The following IDE variants were observed in gnomAD, a reference collection of about 807,000 sequenced individuals.
IDE encodes insulin degrading enzyme.
A neutral mutation model predicts 133.2 loss-of-function variants in IDE; 58 were observed. The observed-to-expected ratio is 0.44, with a 90% CI of 0.35 to 0.54. IDE has a LOEUF of 0.54. Among genes scored for constraint, IDE ranks in the 20% least tolerant of loss-of-function variants. The pLI, the probability that IDE is intolerant of heterozygous loss-of-function variation, is 0.00. For missense variants in IDE, 981 were observed against 1,234.0 expected (o/e 0.79, Z 3.07); for synonymous variants, 396 against 421.3 (o/e 0.94, Z 0.73).
At chr10:92,536,383 CAAA>C (rs58280739) in intron 2 of IDE, among the ~76,000 whole-genome samples, 5 of 54,838 alleles carry the variant, frequency 9.1e-5, no homozygotes, top group African/African-American at 5.1e-5. Context: ...AACTCCGTCT[CAAA>C]AAAAAAAAAA....
At chr10:92,455,498 A>C (rs930357672) in intron 24 of IDE, 78 bp downstream of exon 24, 2 of 953,718 alleles carry the variant, frequency 2.1e-6, no homozygotes, top group Admixed American at 2.0e-5. Flanking sequence ...AAAAACAAAA[A>C]ACAAAAAAAA....
chr10:92,568,369 A>G (rs1438171159), intron 1 of IDE, among the ~76,000 whole-genome samples: 3 of 152,238 alleles, frequency 2.0e-5, no homozygotes, highest in Non-Finnish European at 4.4e-5. Context: ...TGTTAAATGA[A>G]AGTTAAATGA....
intron 3 of IDE, 84 bp from the exon 4 acceptor site, chr10:92,532,001 A>G: frequency 1.0e-6 from 1 of 969,152 alleles, no homozygotes; most frequent in Non-Finnish European, 1.4e-6. Context: ...AACTTATTAG[A>G]TAGGAAATGT....
chr10:92,509,456 A>C (rs1848471155), intron 6 of IDE, among the ~76,000 whole-genome samples: 1 of 151,946 alleles, frequency 6.6e-6, no homozygotes, highest in Admixed American at 6.6e-5. Context: ...AGCCAGGCAC[A>C]GTGGCATGCA....
chr10:92,557,087 A>C (rs570784807), intron 1 of IDE, among the ~76,000 whole-genome samples: 2 of 152,086 alleles, frequency 1.3e-5, no homozygotes, highest in African/African-American at 4.8e-5. Context: ...TTTTTGCAGA[A>C]ATTGACAAAT....
chr10:92,539,097 A>T (rs1156556601), intron 1 of IDE, among the ~76,000 whole-genome samples: 1 of 152,178 alleles, frequency 6.6e-6, no homozygotes, highest in Non-Finnish European at 1.5e-5. Flanking sequence ...TTCCTCTCTG[A>T]AATCACCTAT....
chr10:92,569,239 T>G (rs928727428), intron 1 of IDE, among the ~76,000 whole-genome samples: 5 of 60,140 alleles, frequency 8.3e-5, no homozygotes, highest in African/African-American at 4.8e-4. Context: ...AGAGTTAGGC[T>G]GAAAAGTTGG....
At chr10:92,539,027 G>A (rs1262276074) in intron 1 of IDE, among the ~76,000 whole-genome samples, 4 of 151,820 alleles carry the variant, frequency 2.6e-5, no homozygotes. Flanking sequence ...TTTTTTCTGT[G>A]TTAAAATCTC....
chr10:92,473,182 G>A (rs1038896216), intron 17 of IDE, among the ~76,000 whole-genome samples: 7 of 151,802 alleles, frequency 4.6e-5, no homozygotes, highest in Non-Finnish European at 1.0e-4. Flanking sequence ...CGCCTGCCTC[G>A]GCCTCCTAAA....
Position 92,500,064 on chromosome 10 carries a change from G to A in IDE, c.1430+4730C>T, listed in dbSNP as rs550606535. Among the ~76,000 whole-genome samples, 137 of 152,196 alleles carry A rather than the reference G, an allele frequency of 9.0e-4. 1 individual carries two copies. The highest frequency in any genetic ancestry group is 3.1e-3 in the African/African-American group (130 of 41,532). ...TGTAATCCCAGCACTTTGGGAGGCC[G>A]AGAACGGTGGATCACCTGAGGTCAT... On this transcript the variant is annotated intron_variant, in intron 11 of 24. Transcript: ENST00000265986.
At chr10:92,504,633 T>TCAA (rs1291104255) in intron 11 of IDE, among the ~76,000 whole-genome samples, 161 bp downstream of exon 11, 4 of 152,176 alleles carry the variant, frequency 2.6e-5, no homozygotes, top group Admixed American at 6.5e-5. Flanking sequence ...TGGCCATGTA[T>TCAA]CAATGGTTGA....
At chr10:92,534,463 A>G (rs534785730) in intron 3 of IDE, 115 bp downstream of exon 3, 13 of 687,166 alleles carry the variant, frequency 1.9e-5, no homozygotes, top group East Asian at 8.1e-5. Flanking sequence ...AGGGAAAAAC[A>G]CTGTTTAAAA....
chr10:92,560,282 G>A (rs1053944781), intron 1 of IDE, among the ~76,000 whole-genome samples: 5 of 152,078 alleles, frequency 3.3e-5, no homozygotes, highest in African/African-American at 7.2e-5. Flanking sequence ...TTCTGGGAAC[G>A]GTGTCTTCCC....
chr10:92,564,772 A>G (rs1219451166), intron 1 of IDE, among the ~76,000 whole-genome samples: 1 of 148,114 alleles, frequency 6.8e-6, no homozygotes, highest in Non-Finnish European at 1.5e-5. Flanking sequence ...AGAAATATGT[A>G]AACAGTTGGG....
chr10:92,557,473 T>C (rs1007547285), intron 1 of IDE, among the ~76,000 whole-genome samples: 5 of 151,736 alleles, frequency 3.3e-5, no homozygotes, highest in African/African-American at 1.2e-4. Flanking sequence ...GAGGCGGAGC[T>C]TGCAGTAAGC....
chr10:92,560,585 C>T (rs1311398649), intron 1 of IDE, among the ~76,000 whole-genome samples: 3 of 151,820 alleles, frequency 2.0e-5, no homozygotes, highest in African/African-American at 7.3e-5. Flanking sequence ...GAGTTCAAGA[C>T]GAGCCTGTTC....
At chr10:92,465,472 T>C (rs1460210330) in intron 20 of IDE, among the ~76,000 whole-genome samples, 1 of 152,196 alleles carries the variant, frequency 6.6e-6, no homozygotes, top group Non-Finnish European at 1.5e-5. Context: ...TGCAGTATCA[T>C]CTCATAAATA....
At chr10:92,512,570 A>AC (rs1293238732) in intron 5 of IDE, among the ~76,000 whole-genome samples, 2 of 151,692 alleles carry the variant, frequency 1.3e-5, no homozygotes, top group East Asian at 1.9e-4. Context: ...AAAAAAAAAA[A>AC]AAAACACCCA....
At chr10:92,490,725 C>T in intron 11 of IDE, 130 bp from the exon 12 acceptor site, 1 of 635,918 alleles carries the variant, frequency 1.6e-6, no homozygotes, top group Non-Finnish European at 2.8e-6. Flanking sequence ...CCAGCAAATC[C>T]TGTAAGGCTT....
Sources: gnomAD v4.1 joint callset for allele counts (sites outside exome capture counted in the v4.1 genomes callset) on GRCh38, gnomAD v4.1.1 for gene constraint, MANE v1.5 for transcripts, NCBI Gene and HGNC (gene_info 2026-07-23, HGNC 2026-07-21) for gene names.